Variants in VDAC2 observed in about 807,000 individuals in gnomAD.
VDAC2 encodes non-selective voltage-gated ion channel VDAC2.
VDAC2 carries 6 observed loss-of-function variants against 36.6 expected under a neutral mutation model. That is an observed-to-expected ratio of 0.16 (90% CI 0.09 to 0.32). The LOEUF (loss-of-function observed/expected upper bound fraction) is 0.32. VDAC2 is among the 10% of genes least tolerant of loss of function. The pLI is 1.00. For synonymous variants in VDAC2, 109 were observed against 123.8 expected, an observed-to-expected ratio of 0.88 and a Z score of 0.79; for missense variants, 247 against 346.0, an observed-to-expected ratio of 0.71 and a Z score of 2.27.
At chr10:75,224,607 G>A (rs926343049) in intron 8 of VDAC2, among the ~76,000 whole-genome samples, 3 of 152,032 alleles carry the variant, frequency 2.0e-5, no homozygotes, top group South Asian at 2.1e-4. Context: ...ATAAGGAAAC[G>A]CAAACAATAA....
At position 75,231,096 on chromosome 10, in the gene VDAC2, A is replaced by G; in HGVS notation, c.*107A>G. 3.9e-6 allele frequency: 3 copies of G among 778,766 alleles called. No homozygotes were observed. In the South Asian group the frequency reaches 5.4e-5, roughly 14 times the overall value. 48.2% of individuals were successfully genotyped at this position (778,766 alleles called of 1,614,324 possible). ...TTTCCCCCAAGAAGATGATCAAAACAAAGGATGATCTCAACAAGAGCTGTA... is the reference window on the plus strand; with the variant it reads ...TTTCCCCCAAGAAGATGATCAAAACGAAGGATGATCTCAACAAGAGCTGTA... On this transcript the variant is annotated 3_prime_UTR_variant, in exon 10 of 10. Coordinates refer to ENST00000332211, the MANE Select transcript of VDAC2 (RefSeq NM_001391963.1).
intron 2 of VDAC2, 34 bp downstream of exon 2, chr10:75,211,223 G>T (rs1434696668): frequency 3.7e-6 from 6 of 1,609,320 alleles, no homozygotes; most frequent in Non-Finnish European, 5.1e-6. Flanking sequence ...GGGATGGGGC[G>T]GCGGAGAGTC....
chr10:75,214,257 C>CT (rs772400208), intron 4 of VDAC2, among the ~76,000 whole-genome samples, 187 bp downstream of exon 4: 3 of 152,176 alleles, frequency 2.0e-5, no homozygotes, highest in Non-Finnish European at 2.9e-5. Flanking sequence ...TTCATGTGGT[C>CT]TTTCGTCATA....
chr10:75,226,150 A>G (rs2132278400), intron 8 of VDAC2, among the ~76,000 whole-genome samples: 1 of 152,228 alleles, frequency 6.6e-6, no homozygotes, highest in Admixed American at 6.5e-5. Context: ...TGATAGGCAT[A>G]TTTGTGTTTG....
rs1842081350 is a variant in VDAC2, at chr10:75,230,880, G to T, written c.794-18G>T. 2.5e-6 allele frequency: 4 copies of T among 1,606,328 alleles called. No individual in the cohort carries two copies. The highest frequency in any genetic ancestry group is 1.3e-5 in the African/African-American group (1 of 74,392). ...GTACATCACGGTTTTTTGTTTTTGT[G>T]TTTTTTTGTCTTAATAGGTGTGAAG... On this transcript the variant is annotated intron_variant, in intron 9 of 9. Transcript: ENST00000332211.
intron 4 of VDAC2, among the ~76,000 whole-genome samples, chr10:75,216,396 T>C (rs1355397787): frequency 6.6e-6 from 1 of 152,224 alleles, no homozygotes; most frequent in African/African-American, 2.4e-5. Context: ...GAAAGTTTTA[T>C]GGAAGTAGGT....
chr10:75,225,451 T>C (rs989604827), intron 8 of VDAC2, among the ~76,000 whole-genome samples: 3 of 152,206 alleles, frequency 2.0e-5, no homozygotes, highest in Non-Finnish European at 4.4e-5. Flanking sequence ...GGATGTGGGC[T>C]GATACAAAGT....
chr10:75,211,347 G>A, intron 2 of VDAC2, 158 bp downstream of exon 2: 4 of 1,374,128 alleles, frequency 2.9e-6, no homozygotes, highest in Middle Eastern at 4.1e-4. Context: ...GCGGAGGAGG[G>A]GCTGGGCTGC....
chr10:75,230,507 TTAATG>T (rs1490327059), intron 9 of VDAC2, among the ~76,000 whole-genome samples: 1 of 152,174 alleles, frequency 6.6e-6, no homozygotes, highest in Non-Finnish European at 1.5e-5. Context: ...AAAACTAACA[TTAATG>T]TAATACCAAA....
At chr10:75,213,045 A>C (rs1370709657) in intron 3 of VDAC2, among the ~76,000 whole-genome samples, 2 of 152,110 alleles carry the variant, frequency 1.3e-5, no homozygotes, top group East Asian at 3.9e-4. Flanking sequence ...ATTGGCATAA[A>C]TGTCCTAAAT....
In VDAC2 at chr10:75,211,520, C is replaced by T. The variant is rs1841420218; in HGVS notation, c.31+331C>T. 3.9e-6 allele frequency: 6 copies of T among 1,546,850 alleles called. No individual in the cohort carries two copies. In the South Asian group the frequency reaches 6.0e-5, roughly 15 times the overall value. The stretch of plus-strand genomic sequence containing the variant: ...ACTTTTCTAGAGGAAGTAGCAGTCC[C>T]TCTTGTGAGAGCGCAAGGTCATTAC... On this transcript the variant is annotated intron_variant, in intron 2 of 9. Coordinates refer to ENST00000332211, the MANE Select transcript of VDAC2 (RefSeq NM_001391963.1).
rs1005842140 is a variant in VDAC2 at position 75,211,079 on chromosome 10, G to A, written c.-25-55G>A. The A allele has an allele frequency of 5.3e-6, 8 of 1,503,152 alleles. No individual in the cohort carries two copies. The African/African-American group carries it at 1.1e-4, about 21-fold the overall frequency. 93.1% of individuals were successfully genotyped at this position (1,503,152 alleles called of 1,614,324 possible). On this transcript the variant is annotated intron_variant, in intron 1 of 9. Coordinates refer to ENST00000332211, the MANE Select transcript of VDAC2 (RefSeq NM_001391963.1). ...CGGCCCCTCGCCCCTCTCTGCCCGG[G>A]ATCTCCCTTTGGCCCTTTGACCCCA...
chr10:75,214,941 G>A lies in VDAC2; in HGVS notation c.150+871G>A, dbSNP rs192358852. ...TTTTTTCGAGACAGGGTCTCACTCG[G>A]TTGCCCAGGCTGGAGTGCAGTGAGT... On this transcript the variant is annotated intron_variant, in intron 4 of 9. Coordinates refer to ENST00000332211, the MANE Select transcript of VDAC2 (RefSeq NM_001391963.1). 3.9e-5 allele frequency among the ~76,000 whole-genome samples: 6 copies of A among 152,338 alleles called. No individual in the cohort carries two copies. In the East Asian group the frequency reaches 9.6e-4, roughly 24 times the overall value.
At chr10:75,221,021 T>A (rs1841798678) in intron 7 of VDAC2, 51 bp downstream of exon 7, 1 of 1,537,554 alleles carries the variant, frequency 6.5e-7, no homozygotes, top group Non-Finnish European at 8.9e-7. Flanking sequence ...AGAGGATGAT[T>A]TTGATGTCTG....
At position 75,220,782 on chromosome 10, in the gene VDAC2, G is replaced by A. The variant is rs767932841; in HGVS notation, c.396G>A (p.Glu132=). ...AAATCAAGTCTTCTTACAAGAGGGAGTGTATAAACCTTGGTTGTGATGTTG... is the reference window on the plus strand; with the variant it reads ...AAATCAAGTCTTCTTACAAGAGGGAATGTATAAACCTTGGTTGTGATGTTG... ...SGKIKSSYKR[E]CINLGCDVDF... Residue 132 remains glutamate, a synonymous_variant, in exon 7 of 10, where the codon GAG becomes GAA. Transcript: ENST00000332211. 3.7e-6 allele frequency: 6 copies of A among 1,611,682 alleles called. No homozygotes were observed. In the South Asian group the frequency reaches 6.6e-5, roughly 18 times the overall value.
intron 6 of VDAC2, 83 bp downstream of exon 6, chr10:75,219,439 G>A (rs1841731956): frequency 8.5e-7 from 1 of 1,176,740 alleles, no homozygotes; most frequent in Admixed American, 2.3e-5. Context: ...TTTACTGTTT[G>A]ATAGCTTATT....
chr10:75,218,477 A>T (rs776966478), intron 4 of VDAC2, among the ~76,000 whole-genome samples: 6 of 152,166 alleles, frequency 3.9e-5, no homozygotes, highest in Non-Finnish European at 8.8e-5. Context: ...AAAGATGTAC[A>T]GTTAGCTGGG....
chr10:75,225,605 GC>G (rs1416705046), intron 8 of VDAC2, among the ~76,000 whole-genome samples: 1 of 152,164 alleles, frequency 6.6e-6, no homozygotes, highest in Non-Finnish European at 1.5e-5. Context: ...ATATTTGCCA[GC>G]GAGCCTGGAA....
chr10:75,212,839 C>T (rs944027344), intron 3 of VDAC2, among the ~76,000 whole-genome samples: 5 of 152,116 alleles, frequency 3.3e-5, no homozygotes, highest in East Asian at 1.9e-4. Flanking sequence ...TTAAGAAAAA[C>T]GGCTCGTGCT....
Sources: allele counts gnomAD v4.1 joint callset (sites outside exome capture counted in the v4.1 genomes callset), GRCh38; gene constraint gnomAD v4.1.1; transcripts MANE v1.5; gene names NCBI Gene and HGNC (gene_info 2026-07-23, HGNC 2026-07-21).